The following PBX1 variants were observed in gnomAD, a reference collection of about 807,000 sequenced individuals.
PBX1 encodes the protein PBX homeobox 1, also known as pre-B-cell leukemia transcription factor 1.
Under a neutral mutation model 53.4 loss-of-function variants are expected in PBX1, and 6 were observed. The ratio of observed to expected loss-of-function variants is 0.11; its 90% confidence interval spans 0.06 to 0.22. The LOEUF is 0.22. Ranked by LOEUF, PBX1 falls within the 10% of genes least tolerant of loss-of-function variation. PBX1 has a pLI of 1.00. For missense variants in PBX1, 251 were observed against 551.4 expected (o/e 0.46, Z 5.46); for synonymous variants, 204 against 212.3 (o/e 0.96, Z 0.34).
intron 2 of PBX1, among the ~76,000 whole-genome samples, chr1:164,668,105 C>T (rs1660908929): frequency 1.3e-5 from 2 of 152,078 alleles, no homozygotes; most frequent in African/African-American, 2.4e-5. Context: ...TCCTCCTTTA[C>T]GTTTGGTCAG....
In PBX1 at chr1:164,846,705, C is replaced by T; in HGVS notation, c.*29C>T. 1 of 1,614,054 alleles carries T rather than the reference C, an allele frequency of 6.2e-7. No individual in the cohort carries two copies. The highest frequency in any genetic ancestry group is 8.5e-7 in the Non-Finnish European group (1 of 1,179,956). On this transcript the variant is annotated 3_prime_UTR_variant, in exon 9 of 9. Coordinates refer to ENST00000420696, the MANE Select transcript of PBX1 (RefSeq NM_002585.4). ...CCCAGCAATCGCATCCCGGCTGACCCTGTGCCCCAGTTGGGGCAGGGGCAG... is the reference window on the plus strand; with the variant it reads ...CCCAGCAATCGCATCCCGGCTGACCTTGTGCCCCAGTTGGGGCAGGGGCAG...
At chr1:164,609,580 A>G (rs2800787) in intron 2 of PBX1, among the ~76,000 whole-genome samples, 68,862 of 151,732 alleles carry the variant, frequency 0.45, 15,821 homozygotes, top group East Asian at 0.51. Context: ...CCCATTCCAC[A>G]TTTCTCTGGA....
At chr1:164,564,543 T>C (rs568173672) in intron 2 of PBX1, among the ~76,000 whole-genome samples, 9 of 152,158 alleles carry the variant, frequency 5.9e-5, no homozygotes, top group Non-Finnish European at 1.3e-4. Context: ...GTAAAATTAG[T>C]ACGCAGCTCC....
At chr1:164,691,267 G>C (rs1662468462) in intron 2 of PBX1, among the ~76,000 whole-genome samples, 1 of 152,054 alleles carries the variant, frequency 6.6e-6, no homozygotes, top group Non-Finnish European at 1.5e-5. Context: ...TCCCACCTTG[G>C]CCTCCCAAAG....
intron 2 of PBX1, among the ~76,000 whole-genome samples, chr1:164,647,480 G>A (rs905246782): frequency 6.6e-6 from 1 of 152,150 alleles, no homozygotes; most frequent in African/African-American, 2.4e-5. Context: ...CCTCCTCCAT[G>A]AAATCGAGGT....
At chr1:164,771,777 A>G (rs1667383616) in intron 2 of PBX1, among the ~76,000 whole-genome samples, 1 of 152,188 alleles carries the variant, frequency 6.6e-6, no homozygotes, top group Non-Finnish European at 1.5e-5. Context: ...AAAAAAGCTG[A>G]AAGTTGAGCC....
rs12119896 is a variant in PBX1 at position 164,850,384 on chromosome 1, C to T, written c.*3708C>T. The T allele has an allele frequency of 9.2e-3, 1,832 of 199,618 alleles. 12 individuals are homozygous for T. Among genetic ancestry groups the T allele is most frequent in the Non-Finnish European group, 0.012 (1,209 of 98,838 alleles). The allele number at this position is 199,618 out of a possible 1,614,324, so 12.4% of individuals were successfully genotyped here. On this transcript the variant is annotated 3_prime_UTR_variant, in exon 9 of 9. Transcript: ENST00000420696. ...GTTGGAATAGTGAGCATAATAGGTA[C>T]AACCTAACACATTATTATGTTTATT...
At chr1:164,806,009 C>T (rs1467810970) in intron 4 of PBX1, among the ~76,000 whole-genome samples, 2 of 152,178 alleles carry the variant, frequency 1.3e-5, no homozygotes, top group Non-Finnish European at 1.5e-5. Flanking sequence ...GCCATCAGTG[C>T]TTTCTGTTGG....
intron 2 of PBX1, chr1:164,685,089 C>T (rs1662022962): frequency 6.6e-6 from 1 of 152,190 alleles, no homozygotes; most frequent in Non-Finnish European, 1.5e-5. Context: ...CTCAAGGACA[C>T]AGGATGTTTC....
At chr1:164,608,209 G>C (rs1020196723) in intron 2 of PBX1, among the ~76,000 whole-genome samples, 4 of 152,188 alleles carry the variant, frequency 2.6e-5, no homozygotes, top group African/African-American at 9.7e-5. Context: ...GATACTTACT[G>C]AGTGCCCAGC....
chr1:164,755,347 C>G (rs1182566787), intron 2 of PBX1, among the ~76,000 whole-genome samples: 2 of 152,166 alleles, frequency 1.3e-5, no homozygotes, highest in South Asian at 2.1e-4. Context: ...TGAGGTTTCT[C>G]CATGTTGTTC....
intron 2 of PBX1, among the ~76,000 whole-genome samples, chr1:164,712,511 C>T (rs1414434034): frequency 6.6e-6 from 1 of 152,170 alleles, no homozygotes; most frequent in East Asian, 1.9e-4. Context: ...TCGAGTGGTA[C>T]ACACTCTGGC....
At position 164,750,617 on chromosome 1, in the gene PBX1, G is replaced by C. The variant is rs78167736; in HGVS notation, c.266-41877G>C. On this transcript the variant is annotated intron_variant, in intron 2 of 8. Transcript: ENST00000420696. ...CAGCTGCCCTTGGTTAGCACCAGTG[G>C]GGGCAGAGACAGTCAGAAGTAGCTT... Among the ~76,000 whole-genome samples, 1,325 of 152,308 alleles carry C rather than the reference G, an allele frequency of 8.7e-3. 9 individuals are homozygous for C. The highest frequency in any genetic ancestry group is 0.013 in the Non-Finnish European group (889 of 68,026).
chr1:164,632,774 T>G (rs1006787387), intron 2 of PBX1, among the ~76,000 whole-genome samples: 1 of 152,146 alleles, frequency 6.6e-6, no homozygotes, highest in Non-Finnish European at 1.5e-5. Flanking sequence ...GAGGATATTA[T>G]TACCAGGAAC....
intron 2 of PBX1, among the ~76,000 whole-genome samples, chr1:164,698,240 A>C (rs1444507749): frequency 6.6e-6 from 1 of 152,094 alleles, no homozygotes; most frequent in Non-Finnish European, 1.5e-5. Flanking sequence ...CAAGACTCCT[A>C]CCTCTGAATG....
intron 2 of PBX1, among the ~76,000 whole-genome samples, chr1:164,731,996 A>C (rs969064952): frequency 1.3e-4 from 20 of 152,134 alleles, no homozygotes; most frequent in African/African-American, 4.6e-4. Context: ...TTTCCTACAC[A>C]GTGGGCAGCC....
chr1:164,761,428 C>T lies in PBX1; in HGVS notation c.266-31066C>T, dbSNP rs191287144. On this transcript the variant is annotated intron_variant, in intron 2 of 8. Transcript: ENST00000420696. ...ATTCTAAAAAATAAACATTAAACAT[C>T]GTCTTTCATTGGGACATTATTCTTT... 9.9e-5 allele frequency among the ~76,000 whole-genome samples: 15 copies of T among 152,018 alleles called. No individual in the cohort carries two copies. The East Asian group carries it at 2.5e-3, about 26-fold the overall frequency.
At chr1:164,595,225 G>A (rs2101783607) in intron 2 of PBX1, among the ~76,000 whole-genome samples, 1 of 152,316 alleles carries the variant, frequency 6.6e-6, no homozygotes, top group African/African-American at 2.4e-5. Flanking sequence ...TCAGTGGAAT[G>A]AAGTTATTGT....
intron 2 of PBX1, among the ~76,000 whole-genome samples, chr1:164,741,751 T>C (rs1571320864): frequency 6.6e-6 from 1 of 151,048 alleles, no homozygotes; most frequent in Admixed American, 6.6e-5. Context: ...TGTGTGTGTG[T>C]GTGTGTGTGT....
Sources: gnomAD v4.1 joint callset for allele counts (sites outside exome capture counted in the v4.1 genomes callset) on GRCh38, gnomAD v4.1.1 for gene constraint, MANE v1.5 for transcripts, NCBI Gene and HGNC (gene_info 2026-07-23, HGNC 2026-07-21) for gene names.